Variants in FAM120B observed in about 807,000 individuals in gnomAD.
FAM120B encodes family with sequence similarity 120 member B.
In FAM120B, 83 loss-of-function variants were observed where a neutral mutation model predicts 96.3. That is an observed-to-expected ratio of 0.86 (90% CI 0.72 to 1.03). FAM120B has a LOEUF of 1.03. FAM120B is among the 50% of genes least tolerant of loss of function. The probability of loss-of-function intolerance (pLI) is 0.00; values close to 1 mark genes in which losing one functional copy is unlikely to be tolerated. For missense variants in FAM120B, 1,027 were observed against 1,121.2 expected, an observed-to-expected ratio of 0.92 and a Z score of 1.20; for synonymous variants, 407 against 402.7, an observed-to-expected ratio of 1.01 and a Z score of -0.13.
At chr6:170,366,155 T>C (rs559536168) in intron 6 of FAM120B, among the ~76,000 whole-genome samples, 2 of 152,348 alleles carry the variant, frequency 1.3e-5, no homozygotes, top group South Asian at 4.1e-4. Flanking sequence ...CAAGTTTCTC[T>C]GCAGCTGTTG....
chr6:170,316,435 TA>T (rs200974809), intron 1 of FAM120B, among the ~76,000 whole-genome samples: 1 of 148,742 alleles, frequency 6.7e-6, no homozygotes, highest in Non-Finnish European at 1.5e-5. Flanking sequence ...GCATAGATCA[TA>T]AAAATGTCAG....
intron 9 of FAM120B, among the ~76,000 whole-genome samples, chr6:170,398,223 G>T (rs1031947593): frequency 2.0e-5 from 3 of 152,258 alleles, no homozygotes; most frequent in Admixed American, 6.5e-5. Context: ...ATAACCTTGA[G>T]TGTCCTTTCT....
upstream of FAM120B, among the ~76,000 whole-genome samples, chr6:170,294,883 G>A (rs919822898): frequency 6.6e-5 from 10 of 152,214 alleles, no homozygotes; most frequent in African/African-American, 2.2e-4. This position sits in a 1 kb window ranked among gnomAD's most constrained non-coding sequence, Gnocchi z 7.9. Flanking sequence ...TCTCTTATTC[G>A]TAAGAAGAAT....
At chr6:170,402,340 C>T (rs1012786159) in intron 9 of FAM120B, among the ~76,000 whole-genome samples, 1 of 152,212 alleles carries the variant, frequency 6.6e-6, no homozygotes, top group Non-Finnish European at 1.5e-5. Flanking sequence ...ATCTAGTACG[C>T]ACACCTGTAA....
Position 170,318,035 on chromosome 6 carries a change from G to C in FAM120B, c.645G>C (p.Leu215=), listed in dbSNP as rs540190674. The change falls in exon 2 of 11, where the codon CTG becomes CTC. Residue 215 remains leucine (L), a synonymous_variant. Transcript: ENST00000476287. The part of the protein sequence containing the change: ...MLCREKLCES[L]GLCVADLPLL... ...GCAGAGAGAAGCTCTGTGAGAGTCT[G>C]GGCCTCTGTGTGGCCGACCTTCCTC... 1 of 1,614,122 alleles carries C rather than the reference G, an allele frequency of 6.2e-7. No individual in the cohort carries two copies. Among genetic ancestry groups the C allele is most frequent in the South Asian group, 1.1e-5 (1 of 91,080 alleles).
At chr6:170,378,939 G>C (rs1019868769) in intron 6 of FAM120B, among the ~76,000 whole-genome samples, 6 of 152,250 alleles carry the variant, frequency 3.9e-5, no homozygotes, top group African/African-American at 1.2e-4. Context: ...TGCCAAGGGT[G>C]GGGGTGTGCC....
At chr6:170,396,355 C>A (rs1274930374) in intron 9 of FAM120B, among the ~76,000 whole-genome samples, 1 of 152,176 alleles carries the variant, frequency 6.6e-6, no homozygotes, top group Non-Finnish European at 1.5e-5. Context: ...GGCCGCACAT[C>A]TGTTGAGTAC....
chr6:170,328,740 G>A (rs1785784125), intron 3 of FAM120B, among the ~76,000 whole-genome samples: 1 of 151,804 alleles, frequency 6.6e-6, no homozygotes, highest in African/African-American at 2.4e-5. Context: ...TCTTCCTCTG[G>A]GCCATTTGTT....
chr6:170,396,262 T>C (rs1354308316), intron 9 of FAM120B, among the ~76,000 whole-genome samples: 1 of 152,166 alleles, frequency 6.6e-6, no homozygotes, highest in Non-Finnish European at 1.5e-5. Context: ...CTCAAATTAT[T>C]CCCTAAAACA....
At position 170,358,239 on chromosome 6, in the gene FAM120B, G is replaced by T; in HGVS notation, c.2204G>T (p.Cys735Phe). The T allele has an allele frequency of 6.2e-7, 1 of 1,603,772 alleles. No homozygotes were observed. The highest frequency in any genetic ancestry group is 8.5e-7 in the Non-Finnish European group (1 of 1,172,964). Residue 735 changes from cysteine (C) to phenylalanine (F), a missense_variant, in exon 6 of 11, where the codon TGC becomes TTC. Coordinates refer to ENST00000476287, the MANE Select transcript of FAM120B (RefSeq NM_032448.3). The part of the protein sequence containing the change: ...IYLFVQVDTL[C>F]LEDLHAFIAQ... ...TGTCCTTTTCAGGTGGACACGCTTT[G>T]CCTGGAGGATTTGCATGCGTTTATT...
intron 5 of FAM120B, among the ~76,000 whole-genome samples, chr6:170,350,843 A>T (rs539850350): frequency 5.3e-5 from 8 of 152,366 alleles, no homozygotes; most frequent in Middle Eastern, 3.4e-3. Context: ...GAAAGAATCA[A>T]TGCAAACATG....
chr6:170,400,878 G>C (rs984991977), intron 9 of FAM120B, among the ~76,000 whole-genome samples: 2 of 152,152 alleles, frequency 1.3e-5, no homozygotes, highest in African/African-American at 2.4e-5. Context: ...GGCTCCCCCA[G>C]AGCATGGCCC....
intron 8 of FAM120B, among the ~76,000 whole-genome samples, chr6:170,391,686 C>T (rs1191450058): frequency 6.6e-6 from 1 of 152,120 alleles, no homozygotes; most frequent in Non-Finnish European, 1.5e-5. Flanking sequence ...CAAAGTGGAA[C>T]AGCTGCTTAG....
At chr6:170,397,570 C>T (rs1778242277) in intron 9 of FAM120B, among the ~76,000 whole-genome samples, 1 of 152,050 alleles carries the variant, frequency 6.6e-6, no homozygotes, top group South Asian at 2.1e-4. Flanking sequence ...CCTCATTGAC[C>T]ACATCCCGCA....
intron 4 of FAM120B, among the ~76,000 whole-genome samples, chr6:170,347,586 C>G (rs1787275092): frequency 6.6e-6 from 1 of 152,232 alleles, no homozygotes; most frequent in Admixed American, 6.5e-5. Flanking sequence ...CTGGGGTCCA[C>G]AGATTGCCTG....
At chr6:170,389,974 G>C (rs969515413) in intron 7 of FAM120B, among the ~76,000 whole-genome samples, 15 of 152,182 alleles carry the variant, frequency 9.9e-5, no homozygotes, top group African/African-American at 3.6e-4. Context: ...CTCCCCAAAG[G>C]CTGCCAATTT....
chr6:170,303,112 A>G (rs1784175710), upstream of FAM120B, among the ~76,000 whole-genome samples: 4 of 152,202 alleles, frequency 2.6e-5, no homozygotes, highest in Admixed American at 2.6e-4. Context: ...TAAAATTCAA[A>G]TGGTATTTCT....
At chr6:170,404,742 A>G (rs1335275524) in intron 10 of FAM120B, 21 bp from the exon 11 acceptor site, 13 of 683,348 alleles carry the variant, frequency 1.9e-5, no homozygotes, top group African/African-American at 7.2e-5. Context: ...CTTGGTTTCA[A>G]AACACTCTTG....
chr6:170,357,170 A>T (rs1266285944), intron 5 of FAM120B, among the ~76,000 whole-genome samples: 1 of 152,138 alleles, frequency 6.6e-6, no homozygotes, highest in Admixed American at 6.5e-5. Flanking sequence ...GCGAGCCTTT[A>T]CTTGCCGCAG....
Sources: gnomAD v4.1 joint callset for allele counts (sites outside exome capture counted in the v4.1 genomes callset) on GRCh38, gnomAD v4.1.1 for gene constraint, Gnocchi (gnomAD v3.1) non-coding constraint, MANE v1.5 for transcripts, NCBI Gene and HGNC (gene_info 2026-07-23, HGNC 2026-07-21) for gene names.